EPS8: variants seen among roughly 807,000 people sequenced by gnomAD.
EPS8 encodes the protein epidermal growth factor receptor kinase substrate 8.
EPS8 carries 42 observed loss-of-function variants against 103.8 expected under a neutral mutation model. The ratio of observed to expected loss-of-function variants is 0.40; its 90% CI spans 0.32 to 0.52. The LOEUF is 0.52. EPS8 is among the 20% of genes least tolerant of loss of function. The pLI is 0.40. For missense variants in EPS8, 969 were observed against 1,005.1 expected, an observed-to-expected ratio of 0.96 and a Z score of 0.49; for synonymous variants, 344 against 344.6, an observed-to-expected ratio of 1.00 and a Z score of 0.02.
chr12:15,770,070 G>A (rs920657694), intron 1 of EPS8, among the ~76,000 whole-genome samples: 1 of 151,140 alleles, frequency 6.6e-6, no homozygotes, highest in African/African-American at 2.4e-5. Flanking sequence ...AGCCTCTCAA[G>A]TAGCTGGGAC....
At chr12:15,670,001 G>T (rs1012506655) in intron 4 of EPS8, among the ~76,000 whole-genome samples, 176 bp from the exon 5 acceptor site, 9 of 151,808 alleles carry the variant, frequency 5.9e-5, no homozygotes, top group Non-Finnish European at 1.2e-4. Context: ...GCCAACCAAG[G>T]TTTTTTTTGA....
chr12:15,692,849 TA>T (rs1267470207), intron 1 of EPS8, among the ~76,000 whole-genome samples: 1 of 152,166 alleles, frequency 6.6e-6, no homozygotes, highest in East Asian at 1.9e-4. Flanking sequence ...TTTTAGAACC[TA>T]AAGCTTCCTT....
At chr12:15,742,113 T>C (rs538195574) in intron 1 of EPS8, among the ~76,000 whole-genome samples, 4 of 152,364 alleles carry the variant, frequency 2.6e-5, no homozygotes, top group South Asian at 2.1e-4. Context: ...CAGTCTATCA[T>C]TGAAGGACAT....
chr12:15,650,924 T>C lies in EPS8; in HGVS notation c.1333A>G (p.Met445Val), dbSNP rs1290959094. The C allele has an allele frequency of 2.5e-6, 4 of 1,613,960 alleles. No homozygotes were observed. The highest frequency in any genetic ancestry group is 1.6e-4 in the Middle Eastern group (1 of 6,084). The change falls in exon 14 of 21, where the codon ATG (methionine) becomes GTG (valine). Residue 445 changes from methionine (M) to valine (V), a missense_variant. Transcript: ENST00000281172. ...NGWEPPMLNFMGATMEQDLYQ... is the reference protein window; with the variant it reads ...NGWEPPMLNFVGATMEQDLYQ... ...AGATCTTGTTCCATTGTGGCTCCCA[T>C]AAAGTTCAGCATTGGGGGCTCCCAG...
intron 15 of EPS8, 70 bp downstream of exon 15, chr12:15,647,057 G>C (rs1945330508): frequency 1.4e-6 from 2 of 1,422,070 alleles, no homozygotes; most frequent in Admixed American, 4.2e-5. Flanking sequence ...TACAGACACT[G>C]TCACCTCTGT....
At chr12:15,632,509 G>C (rs1565468879) in intron 17 of EPS8, among the ~76,000 whole-genome samples, 2 of 151,928 alleles carry the variant, frequency 1.3e-5, no homozygotes, top group Non-Finnish European at 2.9e-5. Flanking sequence ...TTCTCAAAAG[G>C]CACATTTTCT....
intron 1 of EPS8, among the ~76,000 whole-genome samples, chr12:15,685,082 T>C (rs540478941): frequency 5.9e-5 from 9 of 152,338 alleles, no homozygotes; most frequent in Admixed American, 2.0e-4. Context: ...ACAAAATTCC[T>C]AAATTCTTCA....
rs1230086023 is a variant in EPS8, at chr12:15,733,277, G to C, written c.-21-50305C>G. Among the ~76,000 whole-genome samples the C allele has an allele frequency of 9.2e-5, 14 of 152,134 alleles. No homozygotes were observed. The highest frequency in any genetic ancestry group is 7.7e-4 in the East Asian group (4 of 5,190). On this transcript the variant is annotated intron_variant, in intron 1 of 20. Transcript: ENST00000281172. The surrounding 1 kb of genome is among the most constrained non-coding windows in gnomAD (Gnocchi z 4.8). ...GAAGGGGAAGCAAGCCCGTCTAACA[G>C]GTGAGAGGGGACAGTGTGTGAAGGA...
At chr12:15,664,161 T>C (rs374264995) in intron 8 of EPS8, among the ~76,000 whole-genome samples, 1 of 151,360 alleles carries the variant, frequency 6.6e-6, no homozygotes, top group African/African-American at 2.4e-5. Context: ...ACAAAAAGTA[T>C]AGAATACAAT....
Position 15,727,483 on chromosome 12 carries a change from A to G in EPS8, c.-21-44511T>C, listed in dbSNP as rs1946665998. 6.6e-6 allele frequency among the ~76,000 whole-genome samples: 1 copy of G among 152,222 alleles called. No homozygotes were observed. Among genetic ancestry groups the G allele is most frequent in the Admixed American group, 6.5e-5 (1 of 15,286 alleles). On this transcript the variant is annotated intron_variant, in intron 1 of 20. Transcript: ENST00000281172. This position sits in a 1 kb window ranked among gnomAD's most constrained non-coding sequence, Gnocchi z 4.3. ...TCCTTTAATGTTGGTAGATACTAAT[A>G]AATTTAACTTAAGACAACTGACCCA...
intron 20 of EPS8, among the ~76,000 whole-genome samples, chr12:15,622,291 T>C (rs1944872676): frequency 6.6e-6 from 1 of 152,232 alleles, no homozygotes. Context: ...AACTTTAATA[T>C]GGAGCCTTCA....
chr12:15,662,749 C>T, intron 8 of EPS8: 1 of 695,032 alleles, frequency 1.4e-6, no homozygotes, highest in Non-Finnish European at 1.8e-6. Flanking sequence ...ATCATGAACT[C>T]CTTCCTGGTA....
intron 14 of EPS8, among the ~76,000 whole-genome samples, chr12:15,648,705 G>C (rs1423484100): frequency 6.6e-6 from 1 of 152,174 alleles, no homozygotes; most frequent in Non-Finnish European, 1.5e-5. Context: ...ACATAACAGT[G>C]AAGTCAGCAG....
chr12:15,653,544 T>A (rs1246191378), intron 13 of EPS8, among the ~76,000 whole-genome samples: 1 of 152,168 alleles, frequency 6.6e-6, no homozygotes, highest in African/African-American at 2.4e-5. Flanking sequence ...TGCTTCTCTC[T>A]CTACCTGGAC....
intron 12 of EPS8, among the ~76,000 whole-genome samples, chr12:15,656,077 T>C (rs1313998104): frequency 6.6e-6 from 1 of 152,232 alleles, no homozygotes; most frequent in Non-Finnish European, 1.5e-5. Context: ...AATTTGTATA[T>C]GTCAGGGAAA....
intron 7 of EPS8, 27 bp downstream of exon 7, chr12:15,666,413 C>T (rs770509796): frequency 9.7e-6 from 15 of 1,547,818 alleles, no homozygotes; most frequent in East Asian, 6.7e-5. Flanking sequence ...ATCAATTCCA[C>T]TCCTTGATTT....
In EPS8 at chr12:15,721,441, T is replaced by C. The variant is rs1946594197; in HGVS notation, c.-21-38469A>G. ...CAATACTGGAAAAACTACATAATACTCAGCTAAAAGAACGAGGTTTGTGGG... is the reference window on the plus strand; with the variant it reads ...CAATACTGGAAAAACTACATAATACCCAGCTAAAAGAACGAGGTTTGTGGG... On this transcript the variant is annotated intron_variant, in intron 1 of 20. Coordinates refer to ENST00000281172, the MANE Select transcript of EPS8 (RefSeq NM_004447.6). This position sits in a 1 kb window ranked among gnomAD's most constrained non-coding sequence, Gnocchi z 4.4. Among the ~76,000 whole-genome samples, 1 of 152,114 alleles carries C rather than the reference T, an allele frequency of 6.6e-6. No individual in the cohort carries two copies. Among genetic ancestry groups the C allele is most frequent in the African/African-American group, 2.4e-5 (1 of 41,416 alleles).
At chr12:15,666,950 ATC>A (rs1945723518) in intron 6 of EPS8, among the ~76,000 whole-genome samples, 1 of 152,208 alleles carries the variant, frequency 6.6e-6, no homozygotes, top group Non-Finnish European at 1.5e-5. Flanking sequence ...TTTAAGGCAA[ATC>A]TACTACACCC....
At position 15,714,806 on chromosome 12, in the gene EPS8, A is replaced by C. The variant is rs1351039166; in HGVS notation, c.-21-31834T>G. Among the ~76,000 whole-genome samples, 1 of 152,232 alleles carries C rather than the reference A, an allele frequency of 6.6e-6. No individual in the cohort carries two copies. The highest frequency in any genetic ancestry group is 1.5e-5 in the Non-Finnish European group (1 of 68,028). ...TTTAAAAGTGAAAAGCATCACTATA[A>C]ATAGAATTTTTAAAATGTATTTAGA... is the stretch of plus-strand genomic sequence containing the variant. On this transcript the variant is annotated intron_variant, in intron 1 of 20. Transcript: ENST00000281172. The surrounding 1 kb of genome is among the most constrained non-coding windows in gnomAD (Gnocchi z 4.1).
Sources: allele counts gnomAD v4.1 joint callset (sites outside exome capture counted in the v4.1 genomes callset), GRCh38; gene constraint gnomAD v4.1.1; non-coding constraint Gnocchi (gnomAD v3.1); transcripts MANE v1.5; gene names NCBI Gene and HGNC (gene_info 2026-07-23, HGNC 2026-07-21).